The following PDZD2 variants were observed in gnomAD, a reference collection of about 807,000 sequenced individuals.
PDZD2 encodes the protein PDZ domain-containing protein 2.
A neutral mutation model predicts 220.7 loss-of-function variants in PDZD2; 90 were observed. That is an observed-to-expected ratio of 0.41 (90% CI 0.34 to 0.49). The LOEUF (loss-of-function observed/expected upper bound fraction) is 0.49, where lower values mean the gene tolerates loss of function less well. Among genes scored for constraint, PDZD2 ranks in the 20% least tolerant of loss-of-function variants. The probability of loss-of-function intolerance (pLI) is 0.28; values close to 1 mark genes in which losing one functional copy is unlikely to be tolerated. For synonymous variants in PDZD2, 1,375 were observed against 1,450.5 expected (o/e 0.95, Z 1.18); for missense variants, 3,174 against 3,608.5 (o/e 0.88, Z 3.08).
At chr5:31,708,063 C>T (rs969303445) in intron 1 of PDZD2, among the ~76,000 whole-genome samples, 2 of 152,188 alleles carry the variant, frequency 1.3e-5, no homozygotes, top group Non-Finnish European at 2.9e-5. Flanking sequence ...TCAAGAGATA[C>T]GTAATAATAC....
chr5:31,771,836 G>T (rs923379367), intron 1 of PDZD2, among the ~76,000 whole-genome samples: 5 of 152,136 alleles, frequency 3.3e-5, no homozygotes, highest in Admixed American at 2.0e-4. Flanking sequence ...CTCACTGCCT[G>T]GGTGACTTTT....
intron 2 of PDZD2, among the ~76,000 whole-genome samples, chr5:31,952,861 A>G (rs922218055): frequency 2.6e-5 from 4 of 152,084 alleles, no homozygotes; most frequent in African/African-American, 9.7e-5. Context: ...GGAATTAGAG[A>G]CCAGCCTGGC....
At chr5:31,674,604 G>C (rs574563569) in intron 1 of PDZD2, among the ~76,000 whole-genome samples, 3 of 152,312 alleles carry the variant, frequency 2.0e-5, no homozygotes, top group Admixed American at 2.0e-4. Context: ...GGTGGCTGTA[G>C]GAGGGGAGGG....
chr5:31,834,549 A>G (rs1756827629), intron 2 of PDZD2, among the ~76,000 whole-genome samples: 1 of 151,918 alleles, frequency 6.6e-6, no homozygotes, highest in Admixed American at 6.6e-5. Context: ...CTTTGCACAT[A>G]CCTTTCTGCT....
In PDZD2 at chr5:31,705,105, G is replaced by A. The variant is rs529422995; in HGVS notation, c.-361+65668G>A. 5.3e-5 allele frequency among the ~76,000 whole-genome samples: 8 copies of A among 152,184 alleles called. No individual in the cohort carries two copies. In the South Asian group the frequency reaches 1.2e-3, roughly 24 times the overall value. ...GAACTCAGGAGGCGAAGGTTGCAGT[G>A]AGCCGAGACTGTGCCACTGCAATCC... On this transcript the variant is annotated intron_variant, in intron 1 of 24. Coordinates refer to ENST00000438447, the MANE Select transcript of PDZD2 (RefSeq NM_178140.4).
At chr5:32,092,274 GAAAAA>G (rs61474035) in intron 20 of PDZD2, among the ~76,000 whole-genome samples, 3 of 86,248 alleles carry the variant, frequency 3.5e-5, no homozygotes, top group African/African-American at 1.2e-4. Flanking sequence ...ACTCAATCTC[GAAAAA>G]AAAAAAAAAA....
chr5:32,050,045 C>G (rs943514750), intron 8 of PDZD2, among the ~76,000 whole-genome samples: 1 of 152,188 alleles, frequency 6.6e-6, no homozygotes, highest in African/African-American at 2.4e-5. Flanking sequence ...GCAGTTCTGC[C>G]TCAGCCTCTC....
intron 1 of PDZD2, among the ~76,000 whole-genome samples, chr5:31,723,746 C>A (rs1228263132): frequency 6.6e-6 from 1 of 152,010 alleles, no homozygotes; most frequent in African/African-American, 2.4e-5. Flanking sequence ...GCCTCCCGAG[C>A]AGCTGGGATT....
chr5:31,739,396 C>A (rs1182493032), intron 1 of PDZD2, among the ~76,000 whole-genome samples: 2 of 151,962 alleles, frequency 1.3e-5, no homozygotes, highest in Non-Finnish European at 2.9e-5. Flanking sequence ...AACCTAAATT[C>A]TCAACAATAG....
At chr5:32,023,485 G>C (rs373214571) in intron 6 of PDZD2, among the ~76,000 whole-genome samples, 5 of 152,330 alleles carry the variant, frequency 3.3e-5, no homozygotes, top group African/African-American at 1.2e-4. Context: ...AGTGGTAAGT[G>C]ATTCTGGGAC....
chr5:31,964,720 T>C (rs145912620), intron 2 of PDZD2, among the ~76,000 whole-genome samples: 2,852 of 152,312 alleles, frequency 0.019, 51 homozygotes, highest in Non-Finnish European at 0.029. Context: ...GCCTTTTTTT[T>C]ATTTTTATTT....
Position 31,639,950 on chromosome 5 carries a change from G to A in PDZD2, c.-361+513G>A, listed in dbSNP as rs1022746224. 1.3e-5 allele frequency among the ~76,000 whole-genome samples: 2 copies of A among 152,114 alleles called. No homozygotes were observed. Among genetic ancestry groups the A allele is most frequent in the Admixed American group, 1.3e-4 (2 of 15,272 alleles). ...GACGCGGGGCGAGGGAATGCAGGGG[G>A]CGCGCAAAGATCAAGGGCATCTTAG... On this transcript the variant is annotated intron_variant, in intron 1 of 24. Transcript: ENST00000438447. The surrounding 1 kb of genome is among the most constrained non-coding windows in gnomAD (Gnocchi z 4.1).
intron 2 of PDZD2, among the ~76,000 whole-genome samples, chr5:31,979,437 G>A (rs569859685): frequency 2.6e-5 from 4 of 152,100 alleles, no homozygotes; most frequent in South Asian, 4.2e-4. Flanking sequence ...AAAATTAGCC[G>A]GGCATGGTGG....
At chr5:32,019,609 A>G (rs1352367903) in intron 6 of PDZD2, among the ~76,000 whole-genome samples, 2 of 152,202 alleles carry the variant, frequency 1.3e-5, no homozygotes, top group Non-Finnish European at 2.9e-5. Context: ...TTTTATGTCT[A>G]CGTTAGGCGT....
At chr5:31,959,911 C>T (rs7735447) in intron 2 of PDZD2, among the ~76,000 whole-genome samples, 5,124 of 152,160 alleles carry the variant, frequency 0.034, 285 homozygotes, top group African/African-American at 0.12. Context: ...GCATTCCTGG[C>T]ATTTCTCGGC....
At chr5:31,859,380 C>G (rs1041645471) in intron 2 of PDZD2, among the ~76,000 whole-genome samples, 1 of 152,112 alleles carries the variant, frequency 6.6e-6, no homozygotes, top group Non-Finnish European at 1.5e-5. Context: ...TACTTTCTAT[C>G]TCCTTTTAAA....
chr5:32,084,366 C>G (rs531971319), intron 19 of PDZD2, among the ~76,000 whole-genome samples: 16 of 152,356 alleles, frequency 1.1e-4, no homozygotes, highest in African/African-American at 3.6e-4. Context: ...AGACACATTG[C>G]TTAACCACGC....
rs139660975 is a variant in PDZD2 at position 31,932,552 on chromosome 5, AAAAGAAAGAAAGAAAG to A, written c.477-50587_477-50572del. Among the ~76,000 whole-genome samples the A allele has an allele frequency of 5.3e-5, 8 of 151,294 alleles. No homozygotes were observed. The East Asian group carries it at 1.4e-3, about 26-fold the overall frequency. On this transcript the variant is annotated intron_variant, in intron 2 of 24. Coordinates refer to ENST00000438447, the MANE Select transcript of PDZD2 (RefSeq NM_178140.4). ...CGACAGAGCAAGACTCTGCCTCAAA[AAAAGAAAGAAAGAAAG>A]AAAGAAAGAAAGAAAATCCAGGCTC...
Position 32,110,929 on chromosome 5 carries a change from T to G in PDZD2, c.*2794T>G, listed in dbSNP as rs544321800. 6.6e-6 allele frequency: 1 copy of G among 152,074 alleles called. No individual in the cohort carries two copies. Among genetic ancestry groups the G allele is most frequent in the Non-Finnish European group, 1.5e-5 (1 of 68,040 alleles). The allele number at this position is 152,074 out of a possible 1,614,324, so 9.4% of individuals were successfully genotyped here. A position where few individuals can be genotyped will look rare whatever the true frequency, so the allele number is the denominator to read the frequency against. On this transcript the variant is annotated 3_prime_UTR_variant, in exon 25 of 25. Coordinates refer to ENST00000438447, the MANE Select transcript of PDZD2 (RefSeq NM_178140.4). ...AAAAAATAAACACTCTGCTTACTACTTGATTTTTTTTTTCTCTTTTGGCTG... is the reference window on the plus strand; with the variant it reads ...AAAAAATAAACACTCTGCTTACTACGTGATTTTTTTTTTCTCTTTTGGCTG...
Sources: allele counts gnomAD v4.1 joint callset (sites outside exome capture counted in the v4.1 genomes callset), GRCh38; gene constraint gnomAD v4.1.1; non-coding constraint Gnocchi (gnomAD v3.1); transcripts MANE v1.5; gene names NCBI Gene and HGNC (gene_info 2026-07-23, HGNC 2026-07-21).